The following PALM2AKAP2 variants were observed in gnomAD, a reference collection of about 807,000 sequenced individuals.
PALM2AKAP2 encodes PALM2 and AKAP2 fusion.
A neutral mutation model predicts 71.5 loss-of-function variants in PALM2AKAP2; 37 were observed. That is an observed-to-expected ratio of 0.52 (90% CI 0.40 to 0.68). The LOEUF (loss-of-function observed/expected upper bound fraction) is 0.68, where lower values mean the gene tolerates loss of function less well. PALM2AKAP2 is among the 30% of genes least tolerant of loss of function. The pLI, the probability that PALM2AKAP2 is intolerant of heterozygous loss-of-function variation, is 0.00. For synonymous variants in PALM2AKAP2, 468 were observed against 478.8 expected (o/e 0.98, Z 0.29); for missense variants, 1,224 against 1,191.8 (o/e 1.03, Z -0.40).
At chr9:110,132,763 C>T (rs1835763183) in intron 1 of PALM2AKAP2, among the ~76,000 whole-genome samples, 1 of 152,002 alleles carries the variant, frequency 6.6e-6, no homozygotes, top group Non-Finnish European at 1.5e-5. Flanking sequence ...ACACCAACCA[C>T]CATGCCTGGC....
intron 1 of PALM2AKAP2, among the ~76,000 whole-genome samples, chr9:109,646,175 A>G (rs1387103141): frequency 6.6e-6 from 1 of 152,194 alleles, no homozygotes; most frequent in Non-Finnish European, 1.5e-5. Flanking sequence ...GTACCATGTC[A>G]GTGTTCTTGT....
intron 1 of PALM2AKAP2, chr9:109,862,916 A>T (rs900372814): frequency 1.2e-5 from 6 of 515,094 alleles, no homozygotes; most frequent in African/African-American, 1.2e-4. Context: ...GACTGCAAGT[A>T]GTCTTTGAGG....
intron 3 of PALM2AKAP2, among the ~76,000 whole-genome samples, chr9:109,908,625 C>T (rs1368994382): frequency 6.6e-6 from 1 of 152,086 alleles, no homozygotes; most frequent in South Asian, 2.1e-4. Flanking sequence ...ACTATTTTAC[C>T]CCTGTTGTTT....
chr9:109,960,148 C>T (rs944590191), intron 6 of PALM2AKAP2, among the ~76,000 whole-genome samples: 1 of 152,168 alleles, frequency 6.6e-6, no homozygotes, highest in African/African-American at 2.4e-5. Flanking sequence ...CACCCCTTCC[C>T]CACACTTGGC....
In PALM2AKAP2 at chr9:109,943,516, T is replaced by C. The variant is rs1473108884; in HGVS notation, c.496+11488T>C. 5 of 1,480,258 alleles carry C rather than the reference T, an allele frequency of 3.4e-6. No homozygotes were observed. In the East Asian group the frequency reaches 1.1e-4, roughly 34 times the overall value. The allele number at this position is 1,480,258 out of a possible 1,614,324, so 91.7% of individuals were successfully genotyped here. A position where few individuals can be genotyped will look rare whatever the true frequency, so the allele number is the denominator to read the frequency against. On this transcript the variant is annotated intron_variant, in intron 6 of 9. Coordinates refer to the PALM2AKAP2 transcript ENST00000302798. The stretch of plus-strand genomic sequence containing the variant: ...TACCACTAACTGCAATACTGTGAAC[T>C]GGAAGCAAACACCTGCCTTGCCTTG...
At chr9:110,048,734 T>G (rs769576571) in exon 1 of PALM2AKAP2, 4 of 1,539,560 alleles carry the variant, frequency 2.6e-6, no homozygotes, top group Non-Finnish European at 3.5e-6. Flanking sequence ...GCCGCTCGCC[T>G]TCCCCCGGAG....
chr9:109,943,720 T>C (rs1831432970), intron 6 of PALM2AKAP2: 2 of 322,526 alleles, frequency 6.2e-6, no homozygotes, highest in South Asian at 6.0e-5. Flanking sequence ...TATCAGCCAG[T>C]GATATGGTAG....
chr9:110,128,221 G>A (rs954533342), intron 1 of PALM2AKAP2, among the ~76,000 whole-genome samples: 1 of 152,184 alleles, frequency 6.6e-6, no homozygotes, highest in Non-Finnish European at 1.5e-5. Context: ...CACCCCTTCT[G>A]CATTTGCCTT....
intron 1 of PALM2AKAP2, among the ~76,000 whole-genome samples, chr9:110,089,538 TAAAGAC>T (rs768086094): frequency 3.9e-5 from 6 of 152,186 alleles, no homozygotes; most frequent in Admixed American, 2.6e-4. Flanking sequence ...CCTAAAATCT[TAAAGAC>T]AGGACAATGT....
chr9:109,663,489 G>C (rs1827432614), intron 1 of PALM2AKAP2, among the ~76,000 whole-genome samples: 1 of 152,190 alleles, frequency 6.6e-6, no homozygotes, highest in Non-Finnish European at 1.5e-5. Context: ...CCATGTAGTT[G>C]TGTGGTTTTG....
At chr9:109,891,996 C>T (rs771576123) in intron 3 of PALM2AKAP2, among the ~76,000 whole-genome samples, 5 of 152,172 alleles carry the variant, frequency 3.3e-5, no homozygotes, top group Non-Finnish European at 7.3e-5. Context: ...TTCTGTTCAT[C>T]CCTAAGATAT....
At chr9:109,765,683 G>A (rs935342185) in intron 1 of PALM2AKAP2, 8 of 152,240 alleles carry the variant, frequency 5.3e-5, no homozygotes, top group African/African-American at 1.9e-4. Flanking sequence ...ACCCAGCCTT[G>A]ATCTGTGCTT....
chr9:109,809,372 GGAGATA>G (rs1827669328), intron 1 of PALM2AKAP2, among the ~76,000 whole-genome samples: 1 of 152,202 alleles, frequency 6.6e-6, no homozygotes, highest in Non-Finnish European at 1.5e-5. Context: ...TGGAGATCAA[GGAGATA>G]ATTTTGGAAC....
At chr9:109,806,649 A>G (rs1382793385) in intron 1 of PALM2AKAP2, among the ~76,000 whole-genome samples, 1 of 152,192 alleles carries the variant, frequency 6.6e-6, no homozygotes, top group Non-Finnish European at 1.5e-5. Context: ...CCATGTGGAT[A>G]TCTGGGGGAA....
chr9:110,146,100 G>A (rs552748246), intron 2 of PALM2AKAP2, among the ~76,000 whole-genome samples: 15 of 151,832 alleles, frequency 9.9e-5, no homozygotes, highest in East Asian at 9.7e-4. Context: ...GGGTTTCACC[G>A]TGTTAGCCAG....
intron 1 of PALM2AKAP2, among the ~76,000 whole-genome samples, chr9:109,807,186 TA>T (rs774324240): frequency 1.2e-4 from 19 of 152,082 alleles, no homozygotes; most frequent in Non-Finnish European, 2.5e-4. Context: ...GGTTTTGAGG[TA>T]AGCAACTAGA....
At chr9:110,043,037 CTCCTCTGCCTCCCTGCTACCT>C (rs1243392291) in intron 7 of PALM2AKAP2, among the ~76,000 whole-genome samples, 1 of 152,174 alleles carries the variant, frequency 6.6e-6, no homozygotes, top group African/African-American at 2.4e-5. Flanking sequence ...ATCATCCCTA[CTCCTCTGCCTCCCTGCTACCT>C]TTCCCAGCCT....
intron 1 of PALM2AKAP2, among the ~76,000 whole-genome samples, chr9:109,858,036 C>G (rs2131652787): frequency 6.6e-6 from 1 of 152,296 alleles, no homozygotes; most frequent in East Asian, 1.9e-4. Flanking sequence ...AAGGAAGCAC[C>G]TTCATTTATT....
chr9:109,974,265 G>A (rs898710130), intron 6 of PALM2AKAP2, among the ~76,000 whole-genome samples: 1 of 152,190 alleles, frequency 6.6e-6, no homozygotes, highest in African/African-American at 2.4e-5. Flanking sequence ...ATTCTAAAGG[G>A]CACTCACAAG....
Sources: gnomAD v4.1 joint callset for allele counts (sites outside exome capture counted in the v4.1 genomes callset) on GRCh38, gnomAD v4.1.1 for gene constraint, MANE v1.5 for transcripts, NCBI Gene and HGNC (gene_info 2026-07-23, HGNC 2026-07-21) for gene names.